ARHGAP12: variants seen among roughly 807,000 people sequenced by gnomAD.
ARHGAP12 encodes the protein Rho GTPase activating protein 12, also known as rho GTPase-activating protein 12.
ARHGAP12 carries 64 observed loss-of-function variants against 108.6 expected under a neutral mutation model. The observed-to-expected ratio is 0.59, with a 90% CI of 0.48 to 0.73. The LOEUF (loss-of-function observed/expected upper bound fraction) is 0.73, where lower values mean the gene tolerates loss of function less well. Among genes scored for constraint, ARHGAP12 ranks in the 30% least tolerant of loss-of-function variants. The pLI, the probability that ARHGAP12 is intolerant of heterozygous loss-of-function variation, is 0.00. For synonymous variants in ARHGAP12, 312 were observed against 337.2 expected, an observed-to-expected ratio of 0.93 and a Z score of 0.82; for missense variants, 940 against 1,005.9, an observed-to-expected ratio of 0.93 and a Z score of 0.89.
At chr10:31,922,180 CAA>C (rs56210740) in intron 1 of ARHGAP12, among the ~76,000 whole-genome samples, 5 of 66,110 alleles carry the variant, frequency 7.6e-5, no homozygotes, top group Admixed American at 3.5e-4. Flanking sequence ...GACCCTGCCT[CAA>C]AAAAAAAAAA....
At chr10:31,876,816 C>A (rs920494845) in intron 3 of ARHGAP12, among the ~76,000 whole-genome samples, 3 of 152,138 alleles carry the variant, frequency 2.0e-5, no homozygotes, top group African/African-American at 7.2e-5. Context: ...TAGTTAAAAC[C>A]GCAGTTTGTT....
intron 3 of ARHGAP12, among the ~76,000 whole-genome samples, chr10:31,863,307 A>G (rs1564397533): frequency 6.6e-6 from 1 of 152,204 alleles, no homozygotes; most frequent in Non-Finnish European, 1.5e-5. Flanking sequence ...CTGTTAATAT[A>G]AAAATTCTAT....
At chr10:31,812,930 T>C in intron 14 of ARHGAP12, 107 bp from the exon 15 acceptor site, 1 of 574,244 alleles carries the variant, frequency 1.7e-6, no homozygotes, top group Non-Finnish European at 3.0e-6. Context: ...GTCAAGATCA[T>C]AGTACAATTC....
chr10:31,895,476 C>A (rs1293394014), intron 3 of ARHGAP12, among the ~76,000 whole-genome samples: 10 of 152,104 alleles, frequency 6.6e-5, no homozygotes, highest in Non-Finnish European at 1.5e-5. Context: ...ATGCAGCCAA[C>A]AGACACATGA....
intron 9 of ARHGAP12, among the ~76,000 whole-genome samples, chr10:31,837,727 AAT>A (rs1836082285): frequency 6.6e-6 from 1 of 152,212 alleles, no homozygotes; most frequent in Non-Finnish European, 1.5e-5. Context: ...GAGTTAGAAA[AAT>A]GAAACAGTAT....
Position 31,852,589 on chromosome 10 carries a change from C to G in ARHGAP12, c.1098G>C (p.Lys366Asn). Reference protein sequence around the residue: ...TSDYTNEKWLKHVDDQGRQYY... With the variant: ...TSDYTNEKWLNHVDDQGRQYY... ...ATTGTCTACCTTGATCATCAACATG[C>G]TTGAGCCACTATAAAAACAGAACAG... The change falls in exon 6 of 20, where the codon AAG (lysine) becomes AAC (asparagine). Residue 366 changes from lysine to asparagine, a missense_variant. Coordinates refer to ENST00000344936, the MANE Select transcript of ARHGAP12 (RefSeq NM_018287.7). The G allele has an allele frequency of 2.5e-6, 4 of 1,611,796 alleles. No homozygotes were observed. Among genetic ancestry groups the G allele is most frequent in the Non-Finnish European group, 3.4e-6 (4 of 1,178,110 alleles).
intron 10 of ARHGAP12, among the ~76,000 whole-genome samples, chr10:31,829,609 T>C (rs1835756896): frequency 6.6e-6 from 1 of 152,230 alleles, no homozygotes; most frequent in Admixed American, 6.5e-5. Flanking sequence ...TTCTTTGATA[T>C]TATAAATAAA....
In ARHGAP12 at chr10:31,806,396, C is replaced by T. The variant is rs1173720274; in HGVS notation, c.*1262G>A. On this transcript the variant is annotated 3_prime_UTR_variant, in exon 20 of 20. Transcript: ENST00000344936. ...TTAAAAATCTTCAACAGACCATGCTCCCTGTAACAAAACCTTCCAAACCCT... is the reference window on the plus strand; with the variant it reads ...TTAAAAATCTTCAACAGACCATGCTTCCTGTAACAAAACCTTCCAAACCCT... The T allele has an allele frequency of 6.6e-6, 1 of 152,562 alleles. No individual in the cohort carries two copies. Among genetic ancestry groups the T allele is most frequent in the East Asian group, 1.9e-4 (1 of 5,200 alleles). The allele number at this position is 152,562 out of a possible 1,614,324, so 9.5% of individuals were successfully genotyped here. A position where few individuals can be genotyped will look rare whatever the true frequency, so the allele number is the denominator to read the frequency against.
chr10:31,889,527 T>C (rs1838326695), intron 3 of ARHGAP12, among the ~76,000 whole-genome samples: 1 of 152,090 alleles, frequency 6.6e-6, no homozygotes, highest in Non-Finnish European at 1.5e-5. Flanking sequence ...TTAATAACTT[T>C]GAAAGTGTAA....
chr10:31,844,321 CCA>C (rs1836372450), intron 6 of ARHGAP12, among the ~76,000 whole-genome samples: 1 of 152,160 alleles, frequency 6.6e-6, no homozygotes, highest in Non-Finnish European at 1.5e-5. Flanking sequence ...ATATATCTTT[CCA>C]CAGTCTTTAA....
At position 31,908,236 on chromosome 10, in the gene ARHGAP12, T is replaced by C; in HGVS notation, c.620A>G (p.Glu207Gly). 6.2e-7 allele frequency: 1 copy of C among 1,613,934 alleles called. No homozygotes were observed. Among genetic ancestry groups the C allele is most frequent in the Non-Finnish European group, 8.5e-7 (1 of 1,179,960 alleles). The change falls in exon 3 of 20, where the codon GAA becomes GGA. Residue 207 changes from glutamate (E) to glycine (G), a missense_variant. By Grantham distance (98) the Glu-to-Gly change is moderately conservative. Coordinates refer to ENST00000344936, the MANE Select transcript of ARHGAP12 (RefSeq NM_018287.7). Reference sequence around the variant, plus strand: ...AGATTCAGAATCTTGATGTATTCTTTCAGAGCCTTCTCCTGCGGAATCACA... The same window carrying C: ...AGATTCAGAATCTTGATGTATTCTTCCAGAGCCTTCTCCTGCGGAATCACA... ...QSCDSAGEGSERIHQDSESGD... is the reference protein window; with the variant it reads ...QSCDSAGEGSGRIHQDSESGD...
At chr10:31,903,314 G>T (rs1839002651) in intron 3 of ARHGAP12, among the ~76,000 whole-genome samples, 1 of 152,064 alleles carries the variant, frequency 6.6e-6, no homozygotes, top group Non-Finnish European at 1.5e-5. Context: ...TCTAAACATA[G>T]AAATGAACAG....
At chr10:31,861,836 T>C (rs962906352) in intron 3 of ARHGAP12, among the ~76,000 whole-genome samples, 178 bp from the exon 4 acceptor site, 2 of 152,102 alleles carry the variant, frequency 1.3e-5, no homozygotes, top group Non-Finnish European at 2.9e-5. Context: ...CATTGAAAAA[T>C]AAATAAAAGC....
At chr10:31,925,940 T>C (rs868279258) in intron 1 of ARHGAP12, among the ~76,000 whole-genome samples, 33 of 152,378 alleles carry the variant, frequency 2.2e-4, no homozygotes, top group African/African-American at 7.2e-4. Flanking sequence ...ATATACTAAG[T>C]AAAATATATT....
intron 9 of ARHGAP12, among the ~76,000 whole-genome samples, chr10:31,834,560 C>A (rs968754642): frequency 6.6e-6 from 1 of 152,130 alleles, no homozygotes; most frequent in Non-Finnish European, 1.5e-5. Flanking sequence ...TTTTGCTATA[C>A]CAGCCCCAAT....
At chr10:31,852,366 C>A (rs1328504760) in intron 6 of ARHGAP12, 151 bp downstream of exon 6, 3 of 656,752 alleles carry the variant, frequency 4.6e-6, no homozygotes, top group Non-Finnish European at 8.1e-6. Context: ...AGAAAACTTA[C>A]ACTACTCACA....
chr10:31,824,838 T>C (rs1835547915), intron 11 of ARHGAP12, among the ~76,000 whole-genome samples: 1 of 152,150 alleles, frequency 6.6e-6, no homozygotes, highest in Admixed American at 6.5e-5. Flanking sequence ...AAGTGACTTA[T>C]TAATCTCTTA....
rs1838577669 is a variant in ARHGAP12, at chr10:31,894,181, C to G, written c.684+13991G>C. Among the ~76,000 whole-genome samples, 5 of 152,184 alleles carry G rather than the reference C, an allele frequency of 3.3e-5. 1 individual carries two copies. In the South Asian group the frequency reaches 8.3e-4, roughly 25 times the overall value. ...AAACTGGAAGCATTCCCTTTGAAAACTGGCACAAGACAGGCATGCCCTCTC... is the reference window on the plus strand; with the variant it reads ...AAACTGGAAGCATTCCCTTTGAAAAGTGGCACAAGACAGGCATGCCCTCTC... On this transcript the variant is annotated intron_variant, in intron 3 of 19. Coordinates refer to ENST00000344936, the MANE Select transcript of ARHGAP12 (RefSeq NM_018287.7).
At chr10:31,823,631 T>G (rs1255817079) in intron 11 of ARHGAP12, among the ~76,000 whole-genome samples, 1 of 152,110 alleles carries the variant, frequency 6.6e-6, no homozygotes, top group Non-Finnish European at 1.5e-5. Flanking sequence ...GATCTCAAGT[T>G]TTTGTACTAA....
Sources: allele counts gnomAD v4.1 joint callset (sites outside exome capture counted in the v4.1 genomes callset), GRCh38; gene constraint gnomAD v4.1.1; transcripts MANE v1.5; gene names NCBI Gene and HGNC (gene_info 2026-07-23, HGNC 2026-07-21).